SSBP2: variants seen among roughly 807,000 people sequenced by gnomAD.
SSBP2 encodes the protein single-stranded DNA-binding protein 2.
Under a neutral mutation model 61.8 loss-of-function variants are expected in SSBP2, and 17 were observed. That is an observed-to-expected ratio of 0.28 (90% CI 0.19 to 0.41). The LOEUF (loss-of-function observed/expected upper bound fraction) is 0.41, where lower values mean the gene tolerates loss of function less well. SSBP2 is among the 10% of genes least tolerant of loss of function. The pLI, the probability that SSBP2 is intolerant of heterozygous loss-of-function variation, is 1.00. For missense variants in SSBP2, 310 were observed against 458.7 expected (o/e 0.68, Z 2.96); for synonymous variants, 139 against 141.3 (o/e 0.98, Z 0.12).
chr5:81,726,791 CT>C (rs1755917038), intron 1 of SSBP2, among the ~76,000 whole-genome samples: 1 of 152,132 alleles, frequency 6.6e-6, no homozygotes, highest in Non-Finnish European at 1.5e-5. Context: ...CAATTCCCTT[CT>C]ATATTTATTT....
rs139257558 is a variant in SSBP2, at chr5:81,573,281, A to G, written c.282+42192T>C. Among the ~76,000 whole-genome samples, 34 of 152,378 alleles carry G rather than the reference A, an allele frequency of 2.2e-4. No individual in the cohort carries two copies. The Middle Eastern group carries it at 0.01, about 46-fold the overall frequency. ...ATACATGGAATGGCTTAAAGGTTCC[A>G]TATAAACTTGATAATGAAATGAAAA... On this transcript the variant is annotated intron_variant, in intron 4 of 16. Transcript: ENST00000320672.
intron 4 of SSBP2, among the ~76,000 whole-genome samples, chr5:81,517,094 C>G (rs1301633944): frequency 1.3e-5 from 2 of 152,124 alleles, no homozygotes; most frequent in East Asian, 3.9e-4. Context: ...CATAGAAAAT[C>G]CTTTATTATA....
At chr5:81,679,327 T>C (rs1019875532) in intron 1 of SSBP2, among the ~76,000 whole-genome samples, 3 of 152,244 alleles carry the variant, frequency 2.0e-5, no homozygotes, top group African/African-American at 4.8e-5. Context: ...TTATTCTTCA[T>C]TGACCTAATA....
At chr5:81,655,838 T>C (rs1750160889) in intron 1 of SSBP2, among the ~76,000 whole-genome samples, 1 of 152,182 alleles carries the variant, frequency 6.6e-6, no homozygotes, top group Non-Finnish European at 1.5e-5. Flanking sequence ...AGAATTGGAA[T>C]TGTATCGGTC....
intron 5 of SSBP2, among the ~76,000 whole-genome samples, chr5:81,493,279 TA>T (rs1767013151): frequency 6.6e-6 from 1 of 151,392 alleles, no homozygotes; most frequent in Admixed American, 6.6e-5. Context: ...GATAGATAGA[TA>T]GATAGATAGA....
At chr5:81,479,064 G>C (rs1380467843) in intron 6 of SSBP2, among the ~76,000 whole-genome samples, 1 of 152,134 alleles carries the variant, frequency 6.6e-6, no homozygotes, top group African/African-American at 2.4e-5. Context: ...ATCACTGTTT[G>C]TCTTTTAGAA....
intron 1 of SSBP2, among the ~76,000 whole-genome samples, chr5:81,655,265 A>G (rs1463515616): frequency 6.6e-6 from 1 of 152,184 alleles, no homozygotes; most frequent in African/African-American, 2.4e-5. Flanking sequence ...TTGAATTAAC[A>G]TCTTCCTTTT....
At chr5:81,591,315 G>A (rs1390061189) in intron 4 of SSBP2, among the ~76,000 whole-genome samples, 2 of 152,166 alleles carry the variant, frequency 1.3e-5, no homozygotes, top group Non-Finnish European at 2.9e-5. Flanking sequence ...GAGGAGGCAT[G>A]CCAATCACTA....
chr5:81,677,846 A>AG (rs894695629), intron 1 of SSBP2, among the ~76,000 whole-genome samples: 2 of 151,292 alleles, frequency 1.3e-5, no homozygotes, highest in Non-Finnish European at 2.9e-5. Flanking sequence ...AAAAAAAAAA[A>AG]GCACTGATGA....
intron 15 of SSBP2, among the ~76,000 whole-genome samples, chr5:81,436,912 A>G (rs1229285333): frequency 1.3e-5 from 2 of 152,198 alleles, no homozygotes; most frequent in African/African-American, 2.4e-5. Flanking sequence ...TTGTACGAAT[A>G]TAATTTTCCT....
At chr5:81,645,725 A>G (rs1749186881) in intron 2 of SSBP2, among the ~76,000 whole-genome samples, 1 of 152,222 alleles carries the variant, frequency 6.6e-6, no homozygotes. Flanking sequence ...GAAGAATAAC[A>G]AAGATAAAAG....
intron 3 of SSBP2, among the ~76,000 whole-genome samples, chr5:81,627,108 TAA>T (rs1021817876): frequency 2.0e-5 from 3 of 152,204 alleles, no homozygotes; most frequent in African/African-American, 4.8e-5. Flanking sequence ...TATAGCGAAA[TAA>T]AAAGTTTTCT....
chr5:81,440,092 T>G (rs1762932813), intron 14 of SSBP2, among the ~76,000 whole-genome samples: 1 of 152,112 alleles, frequency 6.6e-6, no homozygotes, highest in South Asian at 2.1e-4. Context: ...CAATTTTATG[T>G]TAAAAAGGAG....
At chr5:81,648,435 C>T (rs1374070808) in intron 2 of SSBP2, among the ~76,000 whole-genome samples, 3 of 152,030 alleles carry the variant, frequency 2.0e-5, no homozygotes, top group Non-Finnish European at 4.4e-5. Flanking sequence ...TGCAAATAAG[C>T]CCTACCAGTT....
At chr5:81,568,913 T>C (rs1773640167) in intron 4 of SSBP2, among the ~76,000 whole-genome samples, 2 of 152,156 alleles carry the variant, frequency 1.3e-5, no homozygotes, top group South Asian at 2.1e-4. Flanking sequence ...ATGTTCTGAA[T>C]GGTAGAGAAC....
At chr5:81,451,792 T>A (rs1418817048) in intron 10 of SSBP2, among the ~76,000 whole-genome samples, 2 of 152,182 alleles carry the variant, frequency 1.3e-5, no homozygotes, top group African/African-American at 4.8e-5. Flanking sequence ...AAATAAACAT[T>A]TAAAAATACT....
chr5:81,630,862 T>C (rs1412674951), intron 3 of SSBP2, among the ~76,000 whole-genome samples: 1 of 150,794 alleles, frequency 6.6e-6, no homozygotes, highest in Non-Finnish European at 1.5e-5. Flanking sequence ...AGAAAGCATG[T>C]AAAAGAGAAA....
intron 3 of SSBP2, among the ~76,000 whole-genome samples, chr5:81,629,544 C>T (rs965027547): frequency 2.0e-5 from 3 of 152,142 alleles, no homozygotes; most frequent in Admixed American, 6.6e-5. Context: ...CACATTATTC[C>T]TTGCTCCAAT....
chr5:81,435,301 G>A (rs1762605609), intron 15 of SSBP2, among the ~76,000 whole-genome samples: 1 of 152,196 alleles, frequency 6.6e-6, no homozygotes, highest in Admixed American at 6.5e-5. Flanking sequence ...TTAGAGCCCA[G>A]CATAATGCCT....
Sources: gnomAD v4.1 joint callset for allele counts (sites outside exome capture counted in the v4.1 genomes callset) on GRCh38, gnomAD v4.1.1 for gene constraint, MANE v1.5 for transcripts, NCBI Gene and HGNC (gene_info 2026-07-23, HGNC 2026-07-21) for gene names.